NTN1: variants seen among roughly 807,000 people sequenced by gnomAD.
NTN1 encodes netrin-1.
In NTN1, 11 loss-of-function variants were observed where a neutral mutation model predicts 54.2. That is an observed-to-expected ratio of 0.20 (90% CI 0.13 to 0.34). The LOEUF (loss-of-function observed/expected upper bound fraction) is 0.34, where lower values mean the gene tolerates loss of function less well. Ranked by LOEUF, NTN1 falls within the 10% of genes least tolerant of loss-of-function variation. The pLI, the probability that NTN1 is intolerant of heterozygous loss-of-function variation, is 1.00. For synonymous variants in NTN1, 371 were observed against 382.0 expected, an observed-to-expected ratio of 0.97 and a Z score of 0.33; for missense variants, 740 against 893.1, an observed-to-expected ratio of 0.83 and a Z score of 2.18.
Position 9,058,799 on chromosome 17 carries a change from G to A in NTN1, c.1018+35408G>A, listed in dbSNP as rs192515258. Among the ~76,000 whole-genome samples, 541 of 152,180 alleles carry A rather than the reference G, an allele frequency of 3.6e-3. 6 individuals are homozygous for A. The highest frequency in any genetic ancestry group is 0.011 in the African/African-American group (450 of 41,530). On this transcript the variant is annotated intron_variant, in intron 2 of 6. Coordinates refer to ENST00000173229, the MANE Select transcript of NTN1 (RefSeq NM_004822.3). ...ATATTTTTTGAGCCCCAGGTAACGG[G>A]AAGCTTGCCCCCGCCTAGAATTTGT...
intron 5 of NTN1, among the ~76,000 whole-genome samples, chr17:9,186,825 A>G (rs1205601240): frequency 6.6e-6 from 1 of 152,228 alleles, no homozygotes; most frequent in Admixed American, 6.5e-5. Context: ...AGCATGGATT[A>G]TTCTCTTGTT....
upstream of NTN1, among the ~76,000 whole-genome samples, chr17:9,021,249 G>C (rs1033640680): frequency 6.6e-6 from 1 of 151,510 alleles, no homozygotes; most frequent in Non-Finnish European, 1.5e-5. Flanking sequence ...CGGGGTGCGC[G>C]CCTGGCCCGG....
chr17:9,125,609 T>C (rs1020073935), intron 2 of NTN1, among the ~76,000 whole-genome samples: 7 of 151,632 alleles, frequency 4.6e-5, no homozygotes, highest in African/African-American at 1.5e-4. Context: ...GAGGGTTATT[T>C]ATTTATTTAT....
intron 2 of NTN1, among the ~76,000 whole-genome samples, chr17:9,026,203 A>T (rs1390591581): frequency 2.0e-5 from 3 of 152,138 alleles, no homozygotes; most frequent in Admixed American, 2.0e-4. Context: ...CAATATTATC[A>T]TTTGACTGAA....
the NTN1 span, among the ~76,000 whole-genome samples, chr17:9,009,117 C>G: frequency 6.6e-6 from 1 of 152,200 alleles, no homozygotes; most frequent in African/African-American, 2.4e-5. Context: ...ATTCCCTCTG[C>G]CTGAATGTAC....
intron 5 of NTN1, among the ~76,000 whole-genome samples, chr17:9,188,023 A>G (rs2092438950): frequency 6.6e-6 from 1 of 152,246 alleles, no homozygotes; most frequent in African/African-American, 2.4e-5. Flanking sequence ...GCGGCTGTTT[A>G]ATAGGTACAG....
At chr17:9,117,128 A>G (rs938123576) in intron 2 of NTN1, among the ~76,000 whole-genome samples, 1 of 152,238 alleles carries the variant, frequency 6.6e-6, no homozygotes, top group Non-Finnish European at 1.5e-5. Context: ...TGGATCAGAC[A>G]TGATGTTATA....
intron 2 of NTN1, among the ~76,000 whole-genome samples, chr17:9,090,389 C>A (rs1266402742): frequency 6.6e-6 from 1 of 151,982 alleles, no homozygotes; most frequent in Non-Finnish European, 1.5e-5. Flanking sequence ...TTGGCCAGAA[C>A]AGTCTCGATC....
intron 2 of NTN1, among the ~76,000 whole-genome samples, chr17:9,143,934 T>G (rs1375204870): frequency 1.3e-5 from 2 of 151,878 alleles, no homozygotes; most frequent in Non-Finnish European, 2.9e-5. Context: ...TTCGCTCTTG[T>G]TGCCCAGGCT....
At chr17:9,184,207 GA>G (rs1406213547) in intron 5 of NTN1, among the ~76,000 whole-genome samples, 2 of 152,216 alleles carry the variant, frequency 1.3e-5, no homozygotes, top group Non-Finnish European at 1.5e-5. Context: ...GGAAAGGACA[GA>G]AATGCGTTTC....
At chr17:9,163,130 T>G (rs1408462904) in intron 3 of NTN1, 129 bp downstream of exon 3, 1 of 776,462 alleles carries the variant, frequency 1.3e-6, no homozygotes, top group African/African-American at 1.8e-5. Context: ...GTCATCTCTC[T>G]CTCTTTCTCT....
intron 5 of NTN1, among the ~76,000 whole-genome samples, chr17:9,202,749 A>G (rs913072699): frequency 6.6e-6 from 1 of 152,210 alleles, no homozygotes; most frequent in African/African-American, 2.4e-5. Context: ...CACAACAAAC[A>G]TAATTTTACT....
chr17:9,240,032 T>G lies in NTN1; in HGVS notation c.*64T>G. The G allele has an allele frequency of 1.9e-6, 2 of 1,061,350 alleles. No homozygotes were observed. Among genetic ancestry groups the G allele is most frequent in the Non-Finnish European group, 2.3e-6 (2 of 871,178 alleles). The allele number at this position is 1,061,350 out of a possible 1,614,324, so 65.7% of individuals were successfully genotyped here. A position where few individuals can be genotyped will look rare whatever the true frequency, so the allele number is the denominator to read the frequency against. On this transcript the variant is annotated 3_prime_UTR_variant, in exon 7 of 7. Transcript: ENST00000173229. ...GCGGGGCCGAGCGAGAGCGGGCGCC[T>G]TGGCCCGGCCGCCGCGGACTTGGCC...
intron 2 of NTN1, among the ~76,000 whole-genome samples, chr17:9,109,333 A>G (rs1253904745): frequency 6.6e-6 from 1 of 152,196 alleles, no homozygotes; most frequent in Non-Finnish European, 1.5e-5. Flanking sequence ...CTTTAATTAC[A>G]TGTATGCATC....
intron 2 of NTN1, among the ~76,000 whole-genome samples, chr17:9,043,223 C>G (rs1392216678): frequency 6.6e-6 from 1 of 152,102 alleles, no homozygotes; most frequent in Non-Finnish European, 1.5e-5. Flanking sequence ...TTCTCACTCT[C>G]TCTTTGCCTA....
At chr17:9,017,187 C>A (rs562225011), upstream of NTN1, among the ~76,000 whole-genome samples, 9 of 152,244 alleles carry the variant, frequency 5.9e-5, 1 homozygote, top group South Asian at 1.9e-3. Context: ...AAAATCCCAA[C>A]CTTCCCTCAA....
chr17:9,044,993 G>A (rs1321065177), intron 2 of NTN1, among the ~76,000 whole-genome samples: 1 of 152,194 alleles, frequency 6.6e-6, no homozygotes, highest in African/African-American at 2.4e-5. Context: ...AATGGATTAT[G>A]ACCCCGGCCT....
chr17:9,058,260 T>C (rs894494163), intron 2 of NTN1, among the ~76,000 whole-genome samples: 2 of 152,182 alleles, frequency 1.3e-5, no homozygotes, highest in Non-Finnish European at 2.9e-5. Flanking sequence ...TGAATTCTGT[T>C]GTGGTGAATT....
At chr17:9,032,366 A>C (rs1307410919) in intron 2 of NTN1, among the ~76,000 whole-genome samples, 1 of 152,150 alleles carries the variant, frequency 6.6e-6, no homozygotes, top group African/African-American at 2.4e-5. Flanking sequence ...GGTCCTCCAG[A>C]ACTGCCTTGG....
Sources: gnomAD v4.1 joint callset for allele counts (sites outside exome capture counted in the v4.1 genomes callset) on GRCh38, gnomAD v4.1.1 for gene constraint, MANE v1.5 for transcripts, NCBI Gene and HGNC (gene_info 2026-07-23, HGNC 2026-07-21) for gene names.